ATRX: variants seen among roughly 807,000 people sequenced by gnomAD.
ATRX encodes the protein ATRX chromatin remodeler.
A neutral mutation model predicts 172.6 loss-of-function variants in ATRX; 12 were observed. The ratio of observed to expected loss-of-function variants is 0.07; its 90% confidence interval spans 0.04 to 0.11. The LOEUF is 0.11. Ranked by LOEUF, ATRX falls within the 10% of genes least tolerant of loss-of-function variation. The probability of loss-of-function intolerance (pLI) is 1.00; values close to 1 mark genes in which losing one functional copy is unlikely to be tolerated. For missense variants in ATRX, 1,368 were observed against 1,767.4 expected (o/e 0.77, Z 4.05); for synonymous variants, 674 against 594.7 (o/e 1.13, Z -1.94).
chrX:77,650,905 A>G (rs2069186972), intron 15 of ATRX, among the ~76,000 whole-genome samples: 1 of 112,089 alleles, frequency 8.9e-6, no homozygotes, highest in African/African-American at 3.2e-5. Context: ...ACTATTTTTT[A>G]AAACTACTAT....
chrX:77,590,031 T>G lies in ATRX; in HGVS notation c.6111-91A>C. On this transcript the variant is annotated intron_variant, in intron 26 of 34. Transcript: ENST00000373344. Reference sequence around the variant, plus strand: ...TCGATCTACAAATTTAACACAATTGTAACAAAAATCCCAGCAGGATTTTTT... The same window carrying G: ...TCGATCTACAAATTTAACACAATTGGAACAAAAATCCCAGCAGGATTTTTT... The G allele has an allele frequency of 8.8e-6, 7 of 799,289 alleles. No individual in the cohort carries two copies. The East Asian group carries it at 1.7e-4, about 19-fold the overall frequency. The allele number at this position is 799,289 out of a possible 1,213,427, so 65.9% of individuals were successfully genotyped here.
intron 10 of ATRX, among the ~76,000 whole-genome samples, chrX:77,670,875 C>T (rs1054639862): frequency 1.9e-5 from 2 of 106,846 alleles, no homozygotes; most frequent in Middle Eastern, 4.9e-3. Flanking sequence ...TGGCCAGGCA[C>T]GGTGGCTCAT....
At chrX:77,576,299 T>C (rs1162918324) in intron 27 of ATRX, among the ~76,000 whole-genome samples, 3 of 110,902 alleles carry the variant, frequency 2.7e-5, no homozygotes, top group African/African-American at 6.5e-5. Context: ...GGCTTTTCAA[T>C]AATGAAAAAC....
chrX:77,723,702 AC>A lies in ATRX; in HGVS notation c.21-6460del, dbSNP rs1278533585. ...AGGAAATGATGCTACATGTCAACTC[AC>A]AGCACCCAAAATTCCTGAGAACCAA... On this transcript the variant is annotated intron_variant, in intron 1 of 34. Coordinates refer to ENST00000373344, the MANE Select transcript of ATRX (RefSeq NM_000489.6). Among the ~76,000 whole-genome samples the A allele has an allele frequency of 2.7e-5, 3 of 111,646 alleles. No homozygotes were observed. In the East Asian group the frequency reaches 8.4e-4, roughly 31 times the overall value.
intron 19 of ATRX, among the ~76,000 whole-genome samples, chrX:77,626,271 T>C (rs782718812): frequency 3.7e-4 from 39 of 106,030 alleles, no homozygotes; most frequent in African/African-American, 1.3e-3. Flanking sequence ...CAACGGACTT[T>C]GGGGACTTTG....
chrX:77,547,433 C>A (rs782093597), intron 30 of ATRX, among the ~76,000 whole-genome samples: 20 of 111,599 alleles, frequency 1.8e-4, no homozygotes, highest in Admixed American at 8.7e-4. Context: ...CCCTAAAAGA[C>A]TTGGTAAATG....
intron 1 of ATRX, among the ~76,000 whole-genome samples, chrX:77,777,375 C>T (rs1557202992): frequency 9.4e-6 from 1 of 105,957 alleles, no homozygotes; most frequent in Non-Finnish European, 2.0e-5. Flanking sequence ...AGCAAGACTC[C>T]GTCTCAACAA....
In ATRX at chrX:77,506,897, CTTTTTTTTTTTTTT is replaced by C. The variant is rs139948612; in HGVS notation, c.*1440_*1453del. On this transcript the variant is annotated 3_prime_UTR_variant, in exon 35 of 35. Coordinates refer to ENST00000373344, the MANE Select transcript of ATRX (RefSeq NM_000489.6). ...TAAAGCAAAGCCCAAACCCAGTTTT[CTTTTTTTTTTTTTT>C]TTTTTTTTTTTTGGAATTCTTAAGC... 16 of 60,068 alleles carry C rather than the reference CTTTTTTTTTTTTTT, an allele frequency of 2.7e-4. No individual in the cohort carries two copies. The highest frequency in any genetic ancestry group is 1.3e-3 in the South Asian group (1 of 788). 5.0% of individuals were successfully genotyped at this position (60,068 alleles called of 1,213,427 possible).
At chrX:77,756,090 T>C (rs975329184) in intron 1 of ATRX, among the ~76,000 whole-genome samples, 1 of 111,831 alleles carries the variant, frequency 8.9e-6, no homozygotes, top group African/African-American at 3.2e-5. Flanking sequence ...CATAGCCACT[T>C]TGCCACGCTG....
chrX:77,697,279 G>T (rs1360718680), intron 4 of ATRX, among the ~76,000 whole-genome samples: 3 of 110,985 alleles, frequency 2.7e-5, no homozygotes, highest in South Asian at 7.6e-4. Context: ...CAATTATTTT[G>T]TCCTTTTTCA....
chrX:77,553,867 T>C (rs1380122391), intron 30 of ATRX, among the ~76,000 whole-genome samples: 2 of 112,124 alleles, frequency 1.8e-5, no homozygotes, highest in African/African-American at 6.5e-5. Context: ...TTGCTTAAGG[T>C]AAGCTTTTAA....
At chrX:77,562,830 A>G (rs898686179) in intron 28 of ATRX, among the ~76,000 whole-genome samples, 17 of 112,261 alleles carry the variant, frequency 1.5e-4, no homozygotes, top group Non-Finnish European at 2.3e-4. Context: ...TGCAGGCCTG[A>G]GCCACTAGCC....
At chrX:77,534,685 G>A (rs1039757329) in intron 30 of ATRX, among the ~76,000 whole-genome samples, 4 of 110,862 alleles carry the variant, frequency 3.6e-5, no homozygotes, top group Non-Finnish European at 7.6e-5. Context: ...GGAAAAGCAA[G>A]GTCTATATTC....
chrX:77,655,980 AG>A (rs782464177), intron 13 of ATRX, among the ~76,000 whole-genome samples: 1 of 111,365 alleles, frequency 9.0e-6, no homozygotes, highest in Non-Finnish European at 1.9e-5. Context: ...CTAAGAAGGA[AG>A]CCAAATTTTA....
intron 1 of ATRX, among the ~76,000 whole-genome samples, chrX:77,755,208 T>C (rs1463106377): frequency 8.9e-6 from 1 of 112,642 alleles, no homozygotes; most frequent in Non-Finnish European, 1.9e-5. Flanking sequence ...TCCTCTAAAC[T>C]GGTTATTCTA....
At chrX:77,650,886 C>A (rs1340732047) in intron 15 of ATRX, among the ~76,000 whole-genome samples, 1 of 111,912 alleles carries the variant, frequency 8.9e-6, no homozygotes, top group Non-Finnish European at 1.9e-5. Context: ...CCGCGCCAGG[C>A]CCATACCAAC....
intron 1 of ATRX, among the ~76,000 whole-genome samples, chrX:77,773,142 T>C (rs2076225643): frequency 9.4e-6 from 1 of 106,274 alleles, no homozygotes; most frequent in Non-Finnish European, 1.9e-5. Flanking sequence ...ACAAGCTATG[T>C]TGGATGCACT....
chrX:77,732,505 T>C (rs1428736346), intron 1 of ATRX, among the ~76,000 whole-genome samples: 3 of 111,825 alleles, frequency 2.7e-5, no homozygotes, highest in Non-Finnish European at 3.8e-5. Context: ...GACAGGCCAA[T>C]ATCTCTGATA....
chrX:77,521,273 C>T (rs2063222077), intron 33 of ATRX, 130 bp downstream of exon 33: 2 of 544,278 alleles, frequency 3.7e-6, no homozygotes, highest in Non-Finnish European at 6.2e-6. Flanking sequence ...CATTATCCAT[C>T]CATTTTACCA....
Sources: allele counts gnomAD v4.1 joint callset (sites outside exome capture counted in the v4.1 genomes callset), GRCh38; gene constraint gnomAD v4.1.1; transcripts MANE v1.5; gene names NCBI Gene and HGNC (gene_info 2026-07-23, HGNC 2026-07-21).